PKD2: variants seen among roughly 807,000 people sequenced by gnomAD.
PKD2 encodes polycystin 2, transient receptor potential cation channel, also known as polycystin-2.
A neutral mutation model predicts 105.9 loss-of-function variants in PKD2; 48 were observed. That is an observed-to-expected ratio of 0.45 (90% CI 0.36 to 0.58). PKD2 has a LOEUF of 0.58. PKD2 is among the 20% of genes least tolerant of loss of function. The pLI, the probability that PKD2 is intolerant of heterozygous loss-of-function variation, is 0.00. For missense variants in PKD2, 1,078 were observed against 1,255.3 expected (o/e 0.86, Z 2.13); for synonymous variants, 464 against 481.1 (o/e 0.96, Z 0.46).
At chr4:88,073,710 C>T (rs1415365126) in intron 13 of PKD2, among the ~76,000 whole-genome samples, 1 of 152,132 alleles carries the variant, frequency 6.6e-6, no homozygotes, top group African/African-American at 2.4e-5. Flanking sequence ...CAGATTATGG[C>T]TTCAGTGCCA....
At chr4:88,025,802 G>C (rs1303007845) in intron 2 of PKD2, among the ~76,000 whole-genome samples, 2 of 152,102 alleles carry the variant, frequency 1.3e-5, no homozygotes, top group East Asian at 3.9e-4. Flanking sequence ...TCATGATAGT[G>C]AGTGAGTTCT....
At chr4:88,049,171 T>G (rs1178143817) in intron 6 of PKD2, among the ~76,000 whole-genome samples, 27 of 152,204 alleles carry the variant, frequency 1.8e-4, no homozygotes, top group Admixed American at 1.8e-3. Context: ...ACACCCTAAT[T>G]TATTATCTTT....
In PKD2 at chr4:88,077,275, G is replaced by A. The variant is rs1006263447; in HGVS notation, c.*1581G>A. ...TCCAGGTTGAAAGTGAAACATACTG[G>A]GTTTCTGTAAGTTTTTCCTCATGGC... On this transcript the variant is annotated 3_prime_UTR_variant, in exon 15 of 15. Transcript: ENST00000237596. 4.6e-5 allele frequency: 7 copies of A among 152,510 alleles called. No individual in the cohort carries two copies. Among genetic ancestry groups the A allele is most frequent in the African/African-American group, 1.7e-4 (7 of 41,394 alleles). 9.4% of individuals were successfully genotyped at this position (152,510 alleles called of 1,614,324 possible).
intron 1 of PKD2, among the ~76,000 whole-genome samples, chr4:88,009,950 A>G (rs1726328512): frequency 6.6e-6 from 1 of 152,196 alleles, no homozygotes. Context: ...AATAAAATAT[A>G]TATTTCATAT....
intron 13 of PKD2, among the ~76,000 whole-genome samples, chr4:88,072,850 A>C (rs1354288556): frequency 6.6e-6 from 1 of 151,376 alleles, no homozygotes; most frequent in Non-Finnish European, 1.5e-5. Flanking sequence ...CAGCCTGTGC[A>C]ACATGGTGAG....
chr4:88,059,777 A>T (rs577559010), intron 9 of PKD2, among the ~76,000 whole-genome samples: 1 of 152,140 alleles, frequency 6.6e-6, no homozygotes, highest in African/African-American at 2.4e-5. Flanking sequence ...ACATACATAC[A>T]TACATAGACA....
intron 10 of PKD2, 59 bp downstream of exon 10, chr4:88,062,063 T>C: frequency 1.2e-6 from 1 of 858,838 alleles, no homozygotes; most frequent in Admixed American, 1.7e-5. Flanking sequence ...GAGCATTGTT[T>C]CACCCAGATT....
At position 88,076,612 on chromosome 4, in the gene PKD2, C is replaced by G. The variant is rs1721242751; in HGVS notation, c.*918C>G. On this transcript the variant is annotated 3_prime_UTR_variant, in exon 15 of 15. Transcript: ENST00000237596. ...TTTAGTATGCACTGAAAGTTTTTAT[C>G]CAACAATTATGTTCATTTTAAGCAA... 6.6e-6 allele frequency: 1 copy of G among 152,144 alleles called. No individual in the cohort carries two copies. Among genetic ancestry groups the G allele is most frequent in the South Asian group, 2.1e-4 (1 of 4,824 alleles). 9.4% of individuals were successfully genotyped at this position (152,144 alleles called of 1,614,324 possible).
chr4:88,074,442 C>A (rs1421483985), intron 13 of PKD2, among the ~76,000 whole-genome samples: 1 of 152,166 alleles, frequency 6.6e-6, no homozygotes, highest in Admixed American at 6.5e-5. Flanking sequence ...CCTACCCCCC[C>A]ATCAATTGTT....
chr4:88,025,884 G>A (rs1726943170), intron 2 of PKD2, among the ~76,000 whole-genome samples: 1 of 152,182 alleles, frequency 6.6e-6, no homozygotes, highest in African/African-American at 2.4e-5. Flanking sequence ...GCCTTGTGAA[G>A]AAGGTACTTC....
intron 2 of PKD2, among the ~76,000 whole-genome samples, chr4:88,035,263 A>G (rs1370146241): frequency 6.6e-6 from 1 of 152,336 alleles, no homozygotes; most frequent in African/African-American, 2.4e-5. Flanking sequence ...ATTCAATATT[A>G]TCAGTAAATG....
chr4:88,040,306 C>T (rs541053116), intron 4 of PKD2, among the ~76,000 whole-genome samples: 54 of 152,318 alleles, frequency 3.5e-4, no homozygotes, highest in African/African-American at 1.2e-3. Flanking sequence ...AGCTCCCCAT[C>T]AGTACTCAAG....
chr4:88,008,361 C>G (rs954942818), intron 1 of PKD2, 33 bp downstream of exon 1: 4 of 1,501,902 alleles, frequency 2.7e-6, no homozygotes, highest in South Asian at 2.5e-5. Flanking sequence ...GGCAGATGCA[C>G]GAACCAGAAC....
rs548880060 is a variant in PKD2 at position 88,008,238 on chromosome 4, G to T, written c.505G>T (p.Gly169Cys). The T allele has an allele frequency of 1.8e-5, 26 of 1,449,492 alleles. No individual in the cohort carries two copies. The South Asian group carries it at 1.9e-4, about 11-fold the overall frequency. 89.8% of individuals were successfully genotyped at this position (1,449,492 alleles called of 1,614,324 possible). The change falls in exon 1 of 15, where the codon GGC (glycine) becomes TGC (cysteine). Residue 169 changes from glycine to cysteine, a missense_variant. By Grantham distance (159) the Gly-to-Cys change is radical. Around this residue, in one of 2 missense-constraint regions of PKD2, gnomAD observed 868 missense variants for 1,067.3 expected, o/e 0.81. Transcript: ENST00000237596. ...DQGPPCPSPV[G>C]GGDPLHRHLP... ...GGGCCCGCCGTGCCCCAGCCCAGTC[G>T]GCGGCGGGGACCCGCTGCATCGCCA...
intron 6 of PKD2, among the ~76,000 whole-genome samples, chr4:88,048,731 T>C (rs1408492483): frequency 6.6e-6 from 1 of 152,228 alleles, no homozygotes; most frequent in Non-Finnish European, 1.5e-5. Flanking sequence ...TCTTTTACGA[T>C]GGCCATACAA....
chr4:88,042,982 G>T (rs992427862), intron 4 of PKD2, among the ~76,000 whole-genome samples: 2 of 152,240 alleles, frequency 1.3e-5, no homozygotes, highest in Middle Eastern at 3.4e-3. Flanking sequence ...CCCTGGCATT[G>T]GTTCCCGAGT....
Position 88,056,269 on chromosome 4 carries a change from T to A in PKD2, c.1898+2T>A. The A allele has an allele frequency of 6.3e-7, 1 of 1,592,230 alleles. No individual in the cohort carries two copies. The highest frequency in any genetic ancestry group is 8.6e-7 in the Non-Finnish European group (1 of 1,161,708). ...CTTCAGTACTTTCCAAGAGTGTATG[T>A]AAGTATATATGAAATTAAGAAGAAA... On this transcript the variant is annotated splice_donor_variant, in intron 8 of 14. Coordinates refer to ENST00000237596, the MANE Select transcript of PKD2 (RefSeq NM_000297.4). LOFTEE classifies it high-confidence loss of function.
chr4:88,013,653 G>A (rs1193719929), intron 1 of PKD2, among the ~76,000 whole-genome samples: 1 of 151,380 alleles, frequency 6.6e-6, no homozygotes, highest in Non-Finnish European at 1.5e-5. Context: ...AGTGAGCTGT[G>A]ATCACGCCAC....
chr4:88,042,652 T>G (rs1266758367), intron 4 of PKD2, among the ~76,000 whole-genome samples: 1 of 152,234 alleles, frequency 6.6e-6, no homozygotes, highest in Non-Finnish European at 1.5e-5. Flanking sequence ...CTCTTTTGCT[T>G]CTTATTATTA....
Sources: gnomAD v4.1 joint callset for allele counts (sites outside exome capture counted in the v4.1 genomes callset) on GRCh38, gnomAD v4.1.1 for gene constraint, gnomAD v4.1.1 regional missense constraint, MANE v1.5 for transcripts, NCBI Gene and HGNC (gene_info 2026-07-23, HGNC 2026-07-21) for gene names.